The following PAM variants were observed in gnomAD, a reference collection of about 807,000 sequenced individuals.
The protein encoded by PAM is peptidylglycine alpha-amidating monooxygenase, also known as peptidyl-glycine alpha-amidating monooxygenase.
Under a neutral mutation model 122.1 loss-of-function variants are expected in PAM, and 72 were observed. The ratio of observed to expected loss-of-function variants is 0.59; its 90% CI spans 0.49 to 0.72. The LOEUF is 0.72. Ranked by LOEUF, PAM falls within the 30% of genes least tolerant of loss-of-function variation. The pLI is 0.00. For missense variants in PAM, 1,106 were observed against 1,183.7 expected (o/e 0.93, Z 0.96); for synonymous variants, 389 against 404.4 (o/e 0.96, Z 0.46).
At chr5:102,883,255 C>T (rs1372233319) in intron 3 of PAM, among the ~76,000 whole-genome samples, 1 of 151,510 alleles carries the variant, frequency 6.6e-6, no homozygotes, top group East Asian at 1.9e-4. Context: ...GATCTGTGAG[C>T]AATGATAGTG....
intron 1 of PAM, among the ~76,000 whole-genome samples, chr5:102,789,773 A>G (rs988600653): frequency 3.3e-5 from 5 of 152,134 alleles, no homozygotes; most frequent in African/African-American, 1.2e-4. Context: ...ATACCTAAAA[A>G]TGGTTAAAGT....
At chr5:102,941,805 A>C (rs1755307123) in intron 7 of PAM, among the ~76,000 whole-genome samples, 1 of 129,460 alleles carries the variant, frequency 7.7e-6, no homozygotes. Flanking sequence ...AACTGACTTT[A>C]GGACCTGCAT....
chr5:102,882,071 A>G (rs1791367467), intron 3 of PAM, among the ~76,000 whole-genome samples: 1 of 38,980 alleles, frequency 2.6e-5, no homozygotes. Context: ...ATATATATAT[A>G]TATATATATA....
chr5:102,973,802 A>C (rs1766667083), intron 14 of PAM, among the ~76,000 whole-genome samples: 1 of 142,298 alleles, frequency 7.0e-6, no homozygotes, highest in Non-Finnish European at 1.5e-5. Flanking sequence ...AAATCTGATG[A>C]GCTCTTAATT....
chr5:102,770,250 A>G (rs1263856927), intron 1 of PAM, among the ~76,000 whole-genome samples: 1 of 151,932 alleles, frequency 6.6e-6, no homozygotes, highest in Non-Finnish European at 1.5e-5. Flanking sequence ...TGTTTATTAG[A>G]TCTATTAGTT....
At chr5:102,964,913 A>G (rs957313168) in intron 14 of PAM, among the ~76,000 whole-genome samples, 8 of 151,858 alleles carry the variant, frequency 5.3e-5, no homozygotes, top group Non-Finnish European at 1.2e-4. Flanking sequence ...ACCCATTTGC[A>G]TATAAGGGAG....
At position 102,766,043 on chromosome 5, in the gene PAM, G is replaced by A. The variant is rs116416883; in HGVS notation, c.-374+10695G>A. On this transcript the variant is annotated intron_variant, in intron 1 of 25. Coordinates refer to ENST00000438793, the MANE Select transcript of PAM (RefSeq NM_001177306.2). ...ACAAGAAAGGGTAATCACAAATGTG[G>A]TGAATTAGTTCTGTGTTACTAAATG... is the stretch of plus-strand genomic sequence containing the variant. 7.9e-3 allele frequency among the ~76,000 whole-genome samples: 1,206 copies of A among 152,188 alleles called. 11 individuals carry two copies. Among genetic ancestry groups the A allele is most frequent in the Middle Eastern group, 0.027 (8 of 294 alleles).
At chr5:102,820,097 T>C (rs1295998358) in intron 1 of PAM, among the ~76,000 whole-genome samples, 2 of 152,224 alleles carry the variant, frequency 1.3e-5, no homozygotes, top group African/African-American at 4.8e-5. Context: ...TTTAAAAAAT[T>C]CATGACTCCT....
At chr5:102,945,964 T>C (rs1297158011) in intron 7 of PAM, among the ~76,000 whole-genome samples, 1 of 152,124 alleles carries the variant, frequency 6.6e-6, no homozygotes. Flanking sequence ...CCAAGCACTG[T>C]ATTACAACAG....
At chr5:102,863,966 T>C (rs1175920783) in intron 1 of PAM, among the ~76,000 whole-genome samples, 1 of 151,168 alleles carries the variant, frequency 6.6e-6, no homozygotes, top group Non-Finnish European at 1.5e-5. Flanking sequence ...TTTAGGGACA[T>C]CAAAGGTAAT....
chr5:102,903,487 C>A (rs1323719469), intron 4 of PAM, among the ~76,000 whole-genome samples: 1 of 151,498 alleles, frequency 6.6e-6, no homozygotes, highest in Admixed American at 6.6e-5. Flanking sequence ...AGTCTCATTT[C>A]ATAGCTTGAG....
At chr5:102,782,257 C>T (rs777508643) in intron 1 of PAM, among the ~76,000 whole-genome samples, 1 of 152,158 alleles carries the variant, frequency 6.6e-6, no homozygotes, top group African/African-American at 2.4e-5. Flanking sequence ...TCATCTTGTC[C>T]ATATCTGAAG....
intron 16 of PAM, among the ~76,000 whole-genome samples, chr5:103,000,794 T>C (rs1777144264): frequency 6.6e-6 from 1 of 152,082 alleles, no homozygotes; most frequent in East Asian, 1.9e-4. Context: ...GAGAACTCAC[T>C]ATCATGAGAA....
intron 1 of PAM, among the ~76,000 whole-genome samples, chr5:102,822,139 AAAT>A (rs1772153534): frequency 6.6e-6 from 1 of 152,220 alleles, no homozygotes; most frequent in African/African-American, 2.4e-5. Context: ...GATAAAAACC[AAAT>A]AATAACGATT....
intron 17 of PAM, among the ~76,000 whole-genome samples, 162 bp from the exon 18 acceptor site, chr5:103,004,990 AAC>A (rs1358365040): frequency 3.3e-5 from 5 of 152,230 alleles, no homozygotes; most frequent in Admixed American, 3.3e-4. Flanking sequence ...ATCTCATTAT[AAC>A]AGTTTTTATT....
chr5:102,985,832 CA>C (rs1206041362), intron 15 of PAM, among the ~76,000 whole-genome samples: 1 of 152,020 alleles, frequency 6.6e-6, no homozygotes, highest in East Asian at 1.9e-4. Flanking sequence ...AACATAAATG[CA>C]AAATCCTCAA....
intron 1 of PAM, among the ~76,000 whole-genome samples, chr5:102,839,639 A>G (rs1044367392): frequency 2.6e-5 from 4 of 152,086 alleles, no homozygotes; most frequent in African/African-American, 9.7e-5. Context: ...ATGAAATGTT[A>G]TAGAGGCTTG....
chr5:102,940,151 T>TAC (rs1000380962), intron 7 of PAM, among the ~76,000 whole-genome samples: 9 of 134,806 alleles, frequency 6.7e-5, no homozygotes, highest in Admixed American at 7.4e-5. Flanking sequence ...CACACACACA[T>TAC]ACACACACAC....
rs1401678430 is a variant in PAM at position 102,914,009 on chromosome 5, C to G, written c.344C>G (p.Thr115Ser). 1 of 1,548,270 alleles carries G rather than the reference C, an allele frequency of 6.5e-7. No homozygotes were observed. Among genetic ancestry groups the G allele is most frequent in the Non-Finnish European group, 8.9e-7 (1 of 1,120,176 alleles). Residue 115 changes from threonine to serine, a missense_variant, in exon 5 of 26, where the codon ACT becomes AGT. Thr to Ser is a moderately conservative substitution (Grantham distance 58, BLOSUM62 1). Coordinates refer to ENST00000438793, the MANE Select transcript of PAM (RefSeq NM_001177306.2). ...LLFGCNMPSS[T>S]GSYWFCDEGT... ...TTTGGATGCAATATGCCTTCATCCA[C>G]TGGAAGTTACTGGTAAGGATAATGG...
Sources: gnomAD v4.1 joint callset for allele counts (sites outside exome capture counted in the v4.1 genomes callset) on GRCh38, gnomAD v4.1.1 for gene constraint, MANE v1.5 for transcripts, NCBI Gene and HGNC (gene_info 2026-07-23, HGNC 2026-07-21) for gene names.